Variants in ASIC2 observed in about 807,000 individuals in gnomAD.
ASIC2 encodes the protein acid sensing ion channel subunit 2.
A neutral mutation model predicts 57.3 loss-of-function variants in ASIC2; 25 were observed. The ratio of observed to expected loss-of-function variants is 0.44; its 90% confidence interval spans 0.32 to 0.61. ASIC2 has a LOEUF of 0.61. Among genes scored for constraint, ASIC2 ranks in the 20% least tolerant of loss-of-function variants. The pLI is 0.06. For synonymous variants in ASIC2, 319 were observed against 307.5 expected, an observed-to-expected ratio of 1.04 and a Z score of -0.39; for missense variants, 641 against 738.1, an observed-to-expected ratio of 0.87 and a Z score of 1.52.
intron 1 of ASIC2, among the ~76,000 whole-genome samples, chr17:34,082,624 CT>C (rs1390309763): frequency 2.0e-5 from 3 of 152,218 alleles, no homozygotes; most frequent in African/African-American, 7.2e-5. Flanking sequence ...TCCCCGCCCC[CT>C]GGCAACATAA....
At chr17:33,451,928 G>T (rs1319461266) in intron 1 of ASIC2, among the ~76,000 whole-genome samples, 1 of 152,158 alleles carries the variant, frequency 6.6e-6, no homozygotes, top group East Asian at 1.9e-4. Context: ...TAGGGACTTT[G>T]ATGGTATTTC....
At chr17:33,825,626 C>A (rs894005402) in intron 1 of ASIC2, among the ~76,000 whole-genome samples, 4 of 152,198 alleles carry the variant, frequency 2.6e-5, no homozygotes, top group Non-Finnish European at 4.4e-5. Flanking sequence ...AGTTCACCAC[C>A]ATTACCCTCA....
intron 1 of ASIC2, among the ~76,000 whole-genome samples, chr17:33,977,975 G>A (rs578128350): frequency 6.6e-6 from 1 of 152,340 alleles, no homozygotes; most frequent in East Asian, 1.9e-4. Context: ...GGTGCAGTAT[G>A]GAGGTCCCGG....
intron 1 of ASIC2, among the ~76,000 whole-genome samples, chr17:33,193,696 A>C (rs1597624083): frequency 6.6e-6 from 1 of 152,164 alleles, no homozygotes; most frequent in East Asian, 1.9e-4. Context: ...GGATCTTGTT[A>C]TGATGCAGAT....
chr17:33,573,864 C>A (rs373762045), intron 1 of ASIC2, among the ~76,000 whole-genome samples: 1 of 152,330 alleles, frequency 6.6e-6, no homozygotes, highest in South Asian at 2.1e-4. Context: ...ACACACGCAG[C>A]CTGCCTGCTT....
rs148626705 is a variant in ASIC2, at chr17:33,575,678, T to C, written c.556-463611A>G. 4.9e-3 allele frequency among the ~76,000 whole-genome samples: 745 copies of C among 152,298 alleles called. 7 individuals carry two copies. The highest frequency in any genetic ancestry group is 0.017 in the African/African-American group (717 of 41,564). Reference sequence around the variant, plus strand: ...CCAGGGGCTCCCAGAAATCACAGGATATGAATGGGGCTCTAAATGCATGCC... The same window carrying C: ...CCAGGGGCTCCCAGAAATCACAGGACATGAATGGGGCTCTAAATGCATGCC... On this transcript the variant is annotated intron_variant, in intron 1 of 9. Coordinates refer to the ASIC2 transcript ENST00000359872.
At chr17:33,453,330 G>A (rs543683101) in intron 1 of ASIC2, among the ~76,000 whole-genome samples, 37 of 151,302 alleles carry the variant, frequency 2.4e-4, no homozygotes, top group African/African-American at 7.7e-4. Context: ...TGAGTCTATG[G>A]TCTTACTTTT....
chr17:33,446,204 T>C (rs1567615632), intron 1 of ASIC2, among the ~76,000 whole-genome samples: 1 of 152,090 alleles, frequency 6.6e-6, no homozygotes. Context: ...GAGAAAGCTA[T>C]TTTTCTTCCC....
intron 1 of ASIC2, among the ~76,000 whole-genome samples, chr17:33,740,056 T>C (rs1910061816): frequency 1.3e-5 from 2 of 151,176 alleles, no homozygotes; most frequent in South Asian, 2.1e-4. Flanking sequence ...GAGAGTCAGG[T>C]AAGAGCCTTG....
At chr17:33,585,374 C>T (rs1166376917) in intron 1 of ASIC2, among the ~76,000 whole-genome samples, 1 of 152,194 alleles carries the variant, frequency 6.6e-6, no homozygotes, top group Non-Finnish European at 1.5e-5. Context: ...TGGTTCCATT[C>T]CCTTGCTTGT....
chr17:33,571,847 C>T (rs1317760003), intron 1 of ASIC2: 3 of 152,214 alleles, frequency 2.0e-5, no homozygotes, highest in African/African-American at 7.2e-5. Flanking sequence ...AGCAAAAACC[C>T]TGCCACCACT....
At chr17:33,433,878 A>G (rs1309337518) in intron 1 of ASIC2, among the ~76,000 whole-genome samples, 1 of 152,118 alleles carries the variant, frequency 6.6e-6, no homozygotes, top group Non-Finnish European at 1.5e-5. Flanking sequence ...CATAAAAGTT[A>G]AAAAAACAAT....
In ASIC2 at chr17:34,109,964, AAG is replaced by A. The variant is rs1012780679; in HGVS notation, c.555+46012_555+46013del. Among the ~76,000 whole-genome samples, 284 of 150,846 alleles carry A rather than the reference AAG, an allele frequency of 1.9e-3. 3 individuals carry two copies. Among genetic ancestry groups the A allele is most frequent in the African/African-American group, 6.4e-3 (263 of 41,058 alleles). Reference sequence around the variant, plus strand: ...TGTGTTTGTGTGTGTGTGAGAGAGAAAGAGAGAGAGAGAGATGAGATGAGATG... The same window carrying A: ...TGTGTTTGTGTGTGTGTGAGAGAGAAAGAGAGAGAGAGATGAGATGAGATG... On this transcript the variant is annotated intron_variant, in intron 1 of 9. Transcript: ENST00000359872.
At chr17:33,546,063 T>G (rs1239758126) in intron 1 of ASIC2, among the ~76,000 whole-genome samples, 1 of 151,930 alleles carries the variant, frequency 6.6e-6, no homozygotes, top group African/African-American at 2.4e-5. Flanking sequence ...CTCATTCTGG[T>G]TGTATTAGCA....
chr17:34,062,453 G>A (rs559178241), intron 1 of ASIC2, among the ~76,000 whole-genome samples: 47 of 151,946 alleles, frequency 3.1e-4, no homozygotes, highest in African/African-American at 6.5e-4. Context: ...AAGGTCTCAC[G>A]TTAAGGAACT....
At chr17:33,629,180 T>C (rs985989656) in intron 1 of ASIC2, among the ~76,000 whole-genome samples, 6 of 152,218 alleles carry the variant, frequency 3.9e-5, no homozygotes, top group African/African-American at 7.2e-5. Flanking sequence ...AACCAGCTTC[T>C]GTAGCCAGAG....
chr17:33,135,346 C>G (rs2092363398), intron 1 of ASIC2, among the ~76,000 whole-genome samples: 1 of 152,174 alleles, frequency 6.6e-6, no homozygotes, highest in Non-Finnish European at 1.5e-5. Flanking sequence ...GTGGAAGCAT[C>G]CCATCTGGGC....
chr17:33,292,263 C>T lies in ASIC2; in HGVS notation c.-148G>A. 1 of 991,352 alleles carries T rather than the reference C, an allele frequency of 1.0e-6. No homozygotes were observed. The highest frequency in any genetic ancestry group is 1.2e-6 in the Non-Finnish European group (1 of 835,448). The allele number at this position is 991,352 out of a possible 1,614,324, so 61.4% of individuals were successfully genotyped here. ...GTGCGCCCGAAAGGAGCTCCGGTGG[C>T]GCGGCATGCCCGCCCGGCGCCGCCG... On this transcript the variant is annotated 5_prime_UTR_variant, in exon 1 of 10. Transcript: ENST00000225823.
intron 1 of ASIC2, among the ~76,000 whole-genome samples, chr17:33,848,202 G>A (rs1462471315): frequency 6.6e-6 from 1 of 152,154 alleles, no homozygotes; most frequent in East Asian, 1.9e-4. Context: ...GCCTTTGCCA[G>A]AAATCCCATT....
Sources: gnomAD v4.1 joint callset for allele counts (sites outside exome capture counted in the v4.1 genomes callset) on GRCh38, gnomAD v4.1.1 for gene constraint, MANE v1.5 for transcripts, NCBI Gene and HGNC (gene_info 2026-07-23, HGNC 2026-07-21) for gene names.